ELMO1: variants seen among roughly 807,000 people sequenced by gnomAD.
The protein encoded by ELMO1 is engulfment and cell motility 1.
In ELMO1, 26 loss-of-function variants were observed where a neutral mutation model predicts 98.9. The ratio of observed to expected loss-of-function variants is 0.26; its 90% CI spans 0.19 to 0.36. The LOEUF is 0.36. ELMO1 is among the 10% of genes least tolerant of loss of function. ELMO1 has a pLI of 1.00. For synonymous variants in ELMO1, 346 were observed against 346.0 expected, an observed-to-expected ratio of 1.00 and a Z score of 0.00; for missense variants, 627 against 935.2, an observed-to-expected ratio of 0.67 and a Z score of 4.30.
chr7:37,391,511 T>C (rs879735001), intron 1 of ELMO1, among the ~76,000 whole-genome samples: 9 of 152,238 alleles, frequency 5.9e-5, no homozygotes, highest in Admixed American at 5.9e-4. Flanking sequence ...AGGACTCTTA[T>C]GTTCGACCAG....
chr7:37,071,580 G>A (rs1431947626), intron 15 of ELMO1, among the ~76,000 whole-genome samples: 1 of 152,028 alleles, frequency 6.6e-6, no homozygotes, highest in East Asian at 1.9e-4. Flanking sequence ...TGTACACATA[G>A]TCTCTACCTT....
chr7:37,249,705 A>G (rs985126420), intron 6 of ELMO1, among the ~76,000 whole-genome samples: 3 of 152,240 alleles, frequency 2.0e-5, no homozygotes, highest in African/African-American at 7.2e-5. Context: ...AAATGTATAC[A>G]TACTCTGAGT....
intron 15 of ELMO1, among the ~76,000 whole-genome samples, chr7:37,058,002 A>G (rs1056337115): frequency 1.3e-5 from 2 of 152,244 alleles, no homozygotes; most frequent in Admixed American, 6.5e-5. Context: ...TGGTTACAGA[A>G]AAAGGTTATT....
intron 14 of ELMO1, among the ~76,000 whole-genome samples, chr7:37,121,537 C>G (rs1036984545): frequency 5.9e-5 from 9 of 151,670 alleles, no homozygotes; most frequent in Non-Finnish European, 8.8e-5. Context: ...GATGGAAGAT[C>G]AAATGAATGA....
intron 4 of ELMO1, among the ~76,000 whole-genome samples, chr7:37,313,885 T>C (rs1056822539): frequency 2.0e-5 from 3 of 152,152 alleles, no homozygotes; most frequent in Non-Finnish European, 4.4e-5. Context: ...TGTACTCACT[T>C]CTGTTTCAGC....
At chr7:37,081,352 C>T (rs1007958007) in intron 15 of ELMO1, among the ~76,000 whole-genome samples, 1 of 152,180 alleles carries the variant, frequency 6.6e-6, no homozygotes, top group Non-Finnish European at 1.5e-5. Flanking sequence ...GTCTCTAACA[C>T]ATTAAGTGAA....
At chr7:37,252,708 A>G (rs1247013609) in intron 6 of ELMO1, among the ~76,000 whole-genome samples, 2 of 152,226 alleles carry the variant, frequency 1.3e-5, no homozygotes, top group Non-Finnish European at 2.9e-5. Flanking sequence ...AGCAACTGCA[A>G]CAAAAGCCAA....
In ELMO1 at chr7:36,955,835, T is replaced by C. The variant is rs373669841; in HGVS notation, c.1437+57464A>G. ...CAAAATGGGTGGTAAATTCTTGATA[T>C]CTTTCAAAGTCCAGTTCAGATATCT... On this transcript the variant is annotated intron_variant, in intron 16 of 21. Coordinates refer to ENST00000310758, the MANE Select transcript of ELMO1 (RefSeq NM_014800.11). Among the ~76,000 whole-genome samples, 24 of 152,320 alleles carry C rather than the reference T, an allele frequency of 1.6e-4. 1 individual carries two copies. The highest frequency in any genetic ancestry group is 1.1e-3 in the Admixed American group (17 of 15,300).
chr7:37,219,162 G>T (rs1793459891), intron 10 of ELMO1, among the ~76,000 whole-genome samples: 1 of 152,122 alleles, frequency 6.6e-6, no homozygotes, highest in Non-Finnish European at 1.5e-5. Flanking sequence ...ACCCCTGGGG[G>T]AACCCTAGAA....
At chr7:37,163,812 C>A (rs982591399) in intron 13 of ELMO1, among the ~76,000 whole-genome samples, 89 of 152,296 alleles carry the variant, frequency 5.8e-4, no homozygotes, top group Admixed American at 2.4e-3. Flanking sequence ...GTGCATGTGT[C>A]TTTATAGCAG....
intron 1 of ELMO1, among the ~76,000 whole-genome samples, chr7:37,361,955 C>A (rs1801717079): frequency 6.6e-6 from 1 of 152,070 alleles, no homozygotes; most frequent in Non-Finnish European, 1.5e-5. Flanking sequence ...GAGACCCAGT[C>A]ACACACACAA....
At chr7:37,261,141 T>C (rs1204440624) in intron 5 of ELMO1, among the ~76,000 whole-genome samples, 1 of 152,184 alleles carries the variant, frequency 6.6e-6, no homozygotes, top group Non-Finnish European at 1.5e-5. Flanking sequence ...CCAAGTTTCC[T>C]AGCACTTTTT....
At chr7:36,947,011 G>C (rs1419169274) in intron 16 of ELMO1, among the ~76,000 whole-genome samples, 1 of 152,074 alleles carries the variant, frequency 6.6e-6, no homozygotes, top group Non-Finnish European at 1.5e-5. Flanking sequence ...TACACGTGCA[G>C]GTTTGCTACA....
intron 1 of ELMO1, among the ~76,000 whole-genome samples, chr7:37,397,737 C>T (rs979690047): frequency 6.6e-6 from 1 of 152,208 alleles, no homozygotes; most frequent in Non-Finnish European, 1.5e-5. Flanking sequence ...ATAGCAAAGA[C>T]ATGGAACCAA....
chr7:37,047,854 C>T (rs951031785), intron 15 of ELMO1, among the ~76,000 whole-genome samples: 3 of 151,448 alleles, frequency 2.0e-5, no homozygotes, highest in Admixed American at 6.6e-5. Flanking sequence ...TTTCTCTTTC[C>T]CAATTTTCCT....
At chr7:37,178,795 GAC>G (rs1213279828) in intron 13 of ELMO1, among the ~76,000 whole-genome samples, 3 of 152,084 alleles carry the variant, frequency 2.0e-5, no homozygotes, top group Non-Finnish European at 4.4e-5. Context: ...AGAAATATGA[GAC>G]AAACCCAAAC....
chr7:37,098,646 C>T (rs370157000), intron 14 of ELMO1, among the ~76,000 whole-genome samples: 10 of 152,334 alleles, frequency 6.6e-5, no homozygotes, highest in East Asian at 5.8e-4. Context: ...TTTCATTTCA[C>T]TCAGCCTGAA....
intron 13 of ELMO1, among the ~76,000 whole-genome samples, chr7:37,170,282 C>T (rs1408648065): frequency 6.6e-6 from 1 of 152,230 alleles, no homozygotes; most frequent in African/African-American, 2.4e-5. Context: ...CTTTCAATTG[C>T]AGTCAGATGG....
At chr7:36,952,191 A>G (rs746524807) in intron 16 of ELMO1, among the ~76,000 whole-genome samples, 29 of 152,222 alleles carry the variant, frequency 1.9e-4, no homozygotes, top group Non-Finnish European at 3.7e-4. Context: ...TCAGTGTGGA[A>G]CATGCATCCT....
Sources: allele counts gnomAD v4.1 joint callset (sites outside exome capture counted in the v4.1 genomes callset), GRCh38; gene constraint gnomAD v4.1.1; transcripts MANE v1.5; gene names NCBI Gene and HGNC (gene_info 2026-07-23, HGNC 2026-07-21).